Variants in TENT5D observed in about 807,000 individuals in gnomAD.
TENT5D encodes the protein cancer/testis antigen 112.
For synonymous variants in TENT5D, 103 were observed against 100.6 expected (o/e 1.02, Z -0.15); for missense variants, 191 against 287.0 (o/e 0.67, Z 2.42).
intron 3 of TENT5D, among the ~76,000 whole-genome samples, chrX:80,385,056 A>T (rs1418173318): frequency 9.0e-6 from 1 of 111,225 alleles, no homozygotes; most frequent in Non-Finnish European, 1.9e-5. Flanking sequence ...TTCTTCACAG[A>T]ATTGGAAAAA....
intron 3 of TENT5D, among the ~76,000 whole-genome samples, chrX:80,374,955 A>G (rs980082561): frequency 1.8e-5 from 2 of 111,263 alleles, no homozygotes; most frequent in Non-Finnish European, 3.8e-5. Flanking sequence ...TTCAGATTTC[A>G]GATTTTTGGA....
chrX:80,351,788 A>C (rs1930183612), intron 3 of TENT5D, among the ~76,000 whole-genome samples: 1 of 111,548 alleles, frequency 9.0e-6, no homozygotes, highest in African/African-American at 3.3e-5. Flanking sequence ...TCGTGGATTT[A>C]TCTACCTTTG....
intron 3 of TENT5D, among the ~76,000 whole-genome samples, chrX:80,352,442 A>G (rs1405246883): frequency 3.6e-5 from 4 of 111,055 alleles, no homozygotes; most frequent in African/African-American, 1.3e-4. Context: ...GCGAACTTGC[A>G]GGCCTTTTTA....
rs1037970626 is a variant in TENT5D, at chrX:80,399,907, A to C, written c.-141-38703A>C. Reference sequence around the variant, plus strand: ...AATGATATTTGACTTCCCAAACACCAAATCTGTATTAGGGCTCTCCAGAGA... The same window carrying C: ...AATGATATTTGACTTCCCAAACACCCAATCTGTATTAGGGCTCTCCAGAGA... On this transcript the variant is annotated intron_variant, in intron 3 of 4. Transcript: ENST00000538312. 2.7e-5 allele frequency among the ~76,000 whole-genome samples: 3 copies of C among 112,221 alleles called. No individual in the cohort carries two copies. The Admixed American group carries it at 2.8e-4, about 11-fold the overall frequency.
chrX:80,384,113 C>G (rs1416553992), intron 3 of TENT5D, among the ~76,000 whole-genome samples: 24 of 106,028 alleles, frequency 2.3e-4, no homozygotes, highest in Non-Finnish European at 3.9e-5. Context: ...CTGGCAGAGA[C>G]ACAACAAAAA....
chrX:80,407,343 A>G (rs1463060498), intron 3 of TENT5D, among the ~76,000 whole-genome samples: 177 of 111,121 alleles, frequency 1.6e-3, no homozygotes, highest in African/African-American at 5.7e-3. Context: ...AGTGTGCTGT[A>G]TTCAGGAAAC....
At chrX:80,400,929 G>A (rs777629848) in intron 3 of TENT5D, among the ~76,000 whole-genome samples, 1 of 111,352 alleles carries the variant, frequency 9.0e-6, no homozygotes, top group South Asian at 3.8e-4. Flanking sequence ...TTAATTTTCG[G>A]ATTATTTTTC....
intron 1 of TENT5D, among the ~76,000 whole-genome samples, chrX:80,421,147 C>A (rs1931875664): frequency 9.1e-6 from 1 of 110,251 alleles, no homozygotes; most frequent in Non-Finnish European, 1.9e-5. Context: ...ATTTTTTTTC[C>A]TTTAAAGCAC....
chrX:80,436,805 G>T (rs1162544306), intron 1 of TENT5D, among the ~76,000 whole-genome samples: 1 of 111,295 alleles, frequency 9.0e-6, no homozygotes, highest in Non-Finnish European at 1.9e-5. Flanking sequence ...GATACAATAA[G>T]GACTATTGGA....
chrX:80,420,673 A>C (rs1357952878), intron 1 of TENT5D, 110 bp downstream of exon 1: 2 of 112,257 alleles, frequency 1.8e-5, no homozygotes, highest in Non-Finnish European at 3.8e-5. Flanking sequence ...ATTCAACTAA[A>C]ATATCTTTGA....
intron 1 of TENT5D, among the ~76,000 whole-genome samples, chrX:80,434,136 C>CA (rs1362868130): frequency 3.6e-4 from 12 of 33,608 alleles, no homozygotes; most frequent in Admixed American, 5.3e-4. Context: ...GACTCTGTCT[C>CA]AAAAAAAACA....
At chrX:80,366,822 C>G (rs1414685019) in intron 3 of TENT5D, among the ~76,000 whole-genome samples, 1 of 111,265 alleles carries the variant, frequency 9.0e-6, no homozygotes, top group Non-Finnish European at 1.9e-5. Flanking sequence ...TGTTAGGACT[C>G]CAAGACTATC....
intron 3 of TENT5D, among the ~76,000 whole-genome samples, chrX:80,355,472 A>G (rs998607242): frequency 1.3e-4 from 14 of 111,548 alleles, no homozygotes; most frequent in Non-Finnish European, 2.3e-4. Context: ...ATGGTTGCCT[A>G]TGGCCATGCT....
chrX:80,354,419 C>T (rs1448701183), intron 3 of TENT5D, among the ~76,000 whole-genome samples: 1 of 111,886 alleles, frequency 8.9e-6, no homozygotes, highest in Admixed American at 9.5e-5. Flanking sequence ...TATCTACCTG[C>T]ATTGATTCAC....
intron 3 of TENT5D, among the ~76,000 whole-genome samples, chrX:80,398,863 A>G (rs923851637): frequency 8.1e-5 from 9 of 111,231 alleles, no homozygotes; most frequent in Non-Finnish European, 1.3e-4. Context: ...TAAAATTTCT[A>G]TGGAACCATG....
At chrX:80,433,343 C>T (rs1932123595) in intron 1 of TENT5D, among the ~76,000 whole-genome samples, 3 of 111,960 alleles carry the variant, frequency 2.7e-5, no homozygotes, top group Non-Finnish European at 5.6e-5. Context: ...CCTGATTTTT[C>T]ACTGCCTAAC....
intron 2 of TENT5D, among the ~76,000 whole-genome samples, chrX:80,340,369 A>G (rs1038376208): frequency 9.0e-5 from 10 of 110,974 alleles, no homozygotes; most frequent in African/African-American, 3.3e-4. Context: ...TTTACTGACC[A>G]TAGAACCTAC....
intron 1 of TENT5D, among the ~76,000 whole-genome samples, chrX:80,428,091 C>G (rs1932017691): frequency 8.9e-6 from 1 of 112,426 alleles, no homozygotes; most frequent in Non-Finnish European, 1.9e-5. Flanking sequence ...AGAGTATAAA[C>G]AGTGATTCTT....
upstream of TENT5D, among the ~76,000 whole-genome samples, chrX:80,417,715 T>C (rs1931805226): frequency 9.0e-6 from 1 of 111,318 alleles, no homozygotes; most frequent in Non-Finnish European, 1.9e-5. Flanking sequence ...GGTGATCTGC[T>C]CCATTTTCTC....
Sources: gnomAD v4.1 joint callset for allele counts (sites outside exome capture counted in the v4.1 genomes callset) on GRCh38, gnomAD v4.1.1 for gene constraint, MANE v1.5 for transcripts, NCBI Gene and HGNC (gene_info 2026-07-23, HGNC 2026-07-21) for gene names.